The following KCNN2 variants were observed in gnomAD, a reference collection of about 807,000 sequenced individuals.
KCNN2 encodes the protein small conductance calcium-activated potassium channel protein 2.
In KCNN2, 24 loss-of-function variants were observed where a neutral mutation model predicts 55.5. The ratio of observed to expected loss-of-function variants is 0.43; its 90% CI spans 0.31 to 0.61. KCNN2 has a LOEUF of 0.61. Ranked by LOEUF, KCNN2 falls within the 20% of genes least tolerant of loss-of-function variation. The probability of loss-of-function intolerance (pLI) is 0.08; values close to 1 mark genes in which losing one functional copy is unlikely to be tolerated. For missense variants in KCNN2, 754 were observed against 853.6 expected, an observed-to-expected ratio of 0.88 and a Z score of 1.45; for synonymous variants, 431 against 336.1, an observed-to-expected ratio of 1.28 and a Z score of -3.09.
intron 2 of KCNN2, among the ~76,000 whole-genome samples, chr5:114,294,807 A>G (rs1172474145): frequency 3.3e-5 from 5 of 152,126 alleles, no homozygotes. Flanking sequence ...AAAGTCTCCC[A>G]TTATTGTTGT....
At chr5:114,147,003 A>G (rs1752411961) in intron 1 of KCNN2, among the ~76,000 whole-genome samples, 1 of 152,204 alleles carries the variant, frequency 6.6e-6, no homozygotes, top group Non-Finnish European at 1.5e-5. Flanking sequence ...GACAAGCACT[A>G]TATAAGCTGA....
chr5:114,311,192 T>G (rs1756385450), intron 2 of KCNN2, among the ~76,000 whole-genome samples: 1 of 152,176 alleles, frequency 6.6e-6, no homozygotes, highest in South Asian at 2.1e-4. Flanking sequence ...AATTTCCTCC[T>G]AAAAAGATAA....
chr5:114,492,731 C>CT, intron 6 of KCNN2, among the ~76,000 whole-genome samples: 1 of 152,140 alleles, frequency 6.6e-6, no homozygotes, highest in African/African-American at 2.4e-5. Flanking sequence ...TGTCCTCTGA[C>CT]TTTTATCTAC....
chr5:114,488,717 A>G lies in KCNN2; in HGVS notation c.2018+1540A>G, dbSNP rs112322845. On this transcript the variant is annotated intron_variant, in intron 6 of 7. Coordinates refer to ENST00000673685, the MANE Select transcript of KCNN2 (RefSeq NM_021614.4). ...ATCTTCCTCAAGGCACTCACCTCAC[A>G]CAACTCTCCTATTAGAGTGGTCTTC... 4.1e-4 allele frequency among the ~76,000 whole-genome samples: 62 copies of G among 152,246 alleles called. 2 individuals are homozygous for G. Among genetic ancestry groups the G allele is most frequent in the African/African-American group, 1.5e-3 (61 of 41,552 alleles).
intron 1 of KCNN2, among the ~76,000 whole-genome samples, chr5:114,193,596 T>C (rs905256021): frequency 1.3e-5 from 2 of 152,208 alleles, no homozygotes; most frequent in African/African-American, 4.8e-5. Flanking sequence ...ACCAAAGCTG[T>C]AACCAAGGAA....
At chr5:114,493,223 G>GT (rs1747947103) in intron 6 of KCNN2, 180 bp from the exon 7 acceptor site, 2 of 677,416 alleles carry the variant, frequency 3.0e-6, no homozygotes, top group Non-Finnish European at 5.5e-6. Flanking sequence ...CTTTTTTGCG[G>GT]TGTTGGGGAA....
chr5:114,292,292 C>T (rs1390234061), intron 2 of KCNN2, among the ~76,000 whole-genome samples: 5 of 152,168 alleles, frequency 3.3e-5, no homozygotes, highest in Admixed American at 3.3e-4. Flanking sequence ...ATGGCATTGC[C>T]TAGGTTTTCT....
chr5:114,095,689 G>A (rs761272454), intron 1 of KCNN2, among the ~76,000 whole-genome samples: 6 of 152,086 alleles, frequency 3.9e-5, no homozygotes, highest in Non-Finnish European at 7.4e-5. Flanking sequence ...GCTTAGTACA[G>A]CAGGCTTCCT....
chr5:114,182,752 TG>T (rs1753264117), intron 1 of KCNN2, among the ~76,000 whole-genome samples: 1 of 152,124 alleles, frequency 6.6e-6, no homozygotes, highest in African/African-American at 2.4e-5. Context: ...ATTCATCAAT[TG>T]GTTTCTAGTT....
chr5:114,334,145 C>T (rs1580728574), intron 2 of KCNN2, among the ~76,000 whole-genome samples: 1 of 152,148 alleles, frequency 6.6e-6, no homozygotes, highest in East Asian at 1.9e-4. Context: ...TTTACCAACC[C>T]ATAATGGATT....
At chr5:114,241,822 G>GTATATATATATATATATATATATA (rs1304194176) in intron 2 of KCNN2, among the ~76,000 whole-genome samples, 1 of 6,374 alleles carries the variant, frequency 1.6e-4, no homozygotes, top group African/African-American at 2.6e-4. Context: ...ATATATATGT[G>GTATATATATATATATATATATATA]TGTATATATA....
intron 2 of KCNN2, among the ~76,000 whole-genome samples, chr5:114,396,010 A>G (rs943075049): frequency 6.6e-6 from 1 of 152,184 alleles, no homozygotes. Context: ...CTTGGCATAT[A>G]TACTCAGATG....
chr5:114,098,679 G>A (rs929735785), intron 1 of KCNN2, among the ~76,000 whole-genome samples: 6 of 152,010 alleles, frequency 3.9e-5, no homozygotes, highest in Non-Finnish European at 8.8e-5. Flanking sequence ...GTTGGGGACC[G>A]CTGGTCTACC....
At chr5:114,366,163 A>G (rs993087645) in intron 2 of KCNN2, among the ~76,000 whole-genome samples, 3 of 152,216 alleles carry the variant, frequency 2.0e-5, no homozygotes, top group African/African-American at 7.2e-5. Flanking sequence ...AATTTTGAGG[A>G]CCATTTCAAT....
chr5:114,073,518 A>G (rs1265265293), intron 1 of KCNN2, among the ~76,000 whole-genome samples: 1 of 152,176 alleles, frequency 6.6e-6, no homozygotes, highest in East Asian at 1.9e-4. Context: ...AATTCAAAAG[A>G]GTCATATCAT....
intron 3 of KCNN2, among the ~76,000 whole-genome samples, chr5:114,419,728 T>G (rs1384154745): frequency 6.6e-6 from 1 of 152,230 alleles, no homozygotes; most frequent in Admixed American, 6.5e-5. Flanking sequence ...CAGTGGCTCA[T>G]GCCTGTTATC....
chr5:114,240,013 C>T (rs1019887800), intron 2 of KCNN2, among the ~76,000 whole-genome samples: 3 of 152,104 alleles, frequency 2.0e-5, no homozygotes, highest in African/African-American at 4.8e-5. Flanking sequence ...TTGAGACCTT[C>T]CCAGTTCATT....
At chr5:114,157,890 A>T (rs1752673308) in intron 1 of KCNN2, among the ~76,000 whole-genome samples, 1 of 149,694 alleles carries the variant, frequency 6.7e-6, no homozygotes, top group African/African-American at 2.5e-5. Flanking sequence ...TTCATTGTAG[A>T]TTCTGGATAT....
chr5:114,363,651 C>G (rs1757516785), intron 1 of KCNN2, among the ~76,000 whole-genome samples: 1 of 152,182 alleles, frequency 6.6e-6, no homozygotes, highest in Non-Finnish European at 1.5e-5. Context: ...GCGGCGCTCG[C>G]TTCGGTCCTC....
Sources: allele counts gnomAD v4.1 joint callset (sites outside exome capture counted in the v4.1 genomes callset), GRCh38; gene constraint gnomAD v4.1.1; transcripts MANE v1.5; gene names NCBI Gene and HGNC (gene_info 2026-07-23, HGNC 2026-07-21).